GRIK1: variants seen among roughly 807,000 people sequenced by gnomAD.
GRIK1 encodes the protein glutamate receptor ionotropic, kainate 1.
Under a neutral mutation model 105.7 loss-of-function variants are expected in GRIK1, and 69 were observed. The observed-to-expected ratio is 0.65, with a 90% CI of 0.54 to 0.80. The LOEUF (loss-of-function observed/expected upper bound fraction) is 0.80, where lower values mean the gene tolerates loss of function less well. Ranked by LOEUF, GRIK1 falls within the 30% of genes least tolerant of loss-of-function variation. The probability of loss-of-function intolerance (pLI) is 0.00; values close to 1 mark genes in which losing one functional copy is unlikely to be tolerated. For synonymous variants in GRIK1, 438 were observed against 431.3 expected (o/e 1.02, Z -0.19); for missense variants, 1,109 against 1,167.3 (o/e 0.95, Z 0.73).
chr21:29,699,874 C>T (rs967653153), intron 1 of GRIK1, among the ~76,000 whole-genome samples: 1 of 152,072 alleles, frequency 6.6e-6, no homozygotes, highest in African/African-American at 2.4e-5. Flanking sequence ...GTCTTGAACT[C>T]CTGACCTCAG....
Position 29,836,915 on chromosome 21 carries a change from T to C in GRIK1, c.118+102468A>G, listed in dbSNP as rs2300326. ...TTGTCTCTAGGAGCCAAGAAAATTA[T>C]GCTTTAGATATTGCCCACAGTTTTA... On this transcript the variant is annotated intron_variant, in intron 1 of 17. Coordinates refer to ENST00000327783, the MANE Select transcript of GRIK1 (RefSeq NM_001330994.2). Among the ~76,000 whole-genome samples the C allele has an allele frequency of 2.2e-4, 34 of 152,312 alleles. No individual in the cohort carries two copies. In the East Asian group the frequency reaches 6.6e-3, roughly 29 times the overall value.
At chr21:29,837,044 C>T (rs1053890927) in intron 1 of GRIK1, among the ~76,000 whole-genome samples, 2 of 152,174 alleles carry the variant, frequency 1.3e-5, no homozygotes, top group African/African-American at 2.4e-5. Context: ...CGTAAGTACA[C>T]CCTGATGCAG....
At chr21:29,778,797 C>T (rs1178137695) in intron 1 of GRIK1, among the ~76,000 whole-genome samples, 1 of 152,128 alleles carries the variant, frequency 6.6e-6, no homozygotes, top group Admixed American at 6.5e-5. Context: ...AAATCCTTGA[C>T]CCAGAGTCCC....
At chr21:29,707,366 C>T (rs2063932183) in intron 1 of GRIK1, among the ~76,000 whole-genome samples, 1 of 151,944 alleles carries the variant, frequency 6.6e-6, no homozygotes, top group Non-Finnish European at 1.5e-5. Flanking sequence ...TTTTCCTACA[C>T]ATACCTGAAT....
intron 7 of GRIK1, among the ~76,000 whole-genome samples, chr21:29,619,517 C>T (rs1452766927): frequency 1.3e-5 from 2 of 152,074 alleles, no homozygotes; most frequent in South Asian, 4.2e-4. Flanking sequence ...TAAAATACTA[C>T]AAATTGGGTT....
At chr21:29,705,427 G>T (rs1367687251) in intron 1 of GRIK1, among the ~76,000 whole-genome samples, 1 of 152,202 alleles carries the variant, frequency 6.6e-6, no homozygotes, top group African/African-American at 2.4e-5. Flanking sequence ...GTTTAACTCA[G>T]TATCCCCCAA....
intron 1 of GRIK1, among the ~76,000 whole-genome samples, chr21:29,934,773 C>T (rs1371286557): frequency 6.6e-6 from 1 of 152,138 alleles, no homozygotes; most frequent in Non-Finnish European, 1.5e-5. Flanking sequence ...AACCAGAGAT[C>T]ACAAACCTTA....
chr21:29,829,785 T>C (rs2067574153), intron 1 of GRIK1, among the ~76,000 whole-genome samples: 2 of 152,196 alleles, frequency 1.3e-5, no homozygotes, highest in Admixed American at 1.3e-4. Flanking sequence ...TTCTGCTGTG[T>C]CTGCACAGAT....
At chr21:29,909,726 G>A (rs1243896775) in intron 1 of GRIK1, among the ~76,000 whole-genome samples, 1 of 152,268 alleles carries the variant, frequency 6.6e-6, no homozygotes, top group East Asian at 1.9e-4. Flanking sequence ...CAGTTGGCAA[G>A]GTGCTCAAGA....
intron 1 of GRIK1, among the ~76,000 whole-genome samples, chr21:29,825,170 T>C (rs1316212654): frequency 1.3e-5 from 2 of 152,086 alleles, no homozygotes; most frequent in African/African-American, 4.8e-5. Flanking sequence ...TGTTGTGTGT[T>C]TCTTGGATTC....
intron 1 of GRIK1, among the ~76,000 whole-genome samples, chr21:29,727,839 C>G (rs2064508379): frequency 6.6e-6 from 1 of 152,164 alleles, no homozygotes. Context: ...TAGCCTCCAT[C>G]ATCTGCCCAT....
chr21:29,936,424 A>T (rs1399257217), intron 1 of GRIK1, among the ~76,000 whole-genome samples: 3 of 152,220 alleles, frequency 2.0e-5, no homozygotes, highest in Non-Finnish European at 4.4e-5. Context: ...CCACCCAATT[A>T]AGGAAGATAT....
At chr21:29,576,428 C>T (rs760748867) in intron 14 of GRIK1, among the ~76,000 whole-genome samples, 1 of 152,170 alleles carries the variant, frequency 6.6e-6, no homozygotes, top group East Asian at 1.9e-4. Context: ...TTCATCAATG[C>T]GGACTCAGTA....
At chr21:29,704,193 A>T (rs1046738668) in intron 1 of GRIK1, among the ~76,000 whole-genome samples, 2 of 152,240 alleles carry the variant, frequency 1.3e-5, no homozygotes, top group African/African-American at 2.4e-5. Flanking sequence ...AGTGGAAAAT[A>T]CAAAGATGAA....
intron 1 of GRIK1, among the ~76,000 whole-genome samples, chr21:29,756,452 G>A (rs1320558932): frequency 6.6e-6 from 1 of 152,170 alleles, no homozygotes; most frequent in African/African-American, 2.4e-5. Flanking sequence ...GGTAATTGCT[G>A]CGTGTGTGAG....
intron 1 of GRIK1, among the ~76,000 whole-genome samples, chr21:29,887,607 T>A (rs1275472066): frequency 2.0e-5 from 3 of 152,130 alleles, no homozygotes; most frequent in Non-Finnish European, 4.4e-5. Context: ...CAATTTTTTC[T>A]CATATAATAA....
chr21:29,791,383 T>C (rs1268187777), intron 1 of GRIK1, among the ~76,000 whole-genome samples: 3 of 152,080 alleles, frequency 2.0e-5, no homozygotes, highest in Non-Finnish European at 1.5e-5. Context: ...CAGTGCTTTA[T>C]AAGAGTGGAG....
intron 1 of GRIK1, among the ~76,000 whole-genome samples, chr21:29,827,837 GTTCTGCTGGATGGTTC>G (rs1427630116): frequency 6.6e-6 from 1 of 152,054 alleles, no homozygotes; most frequent in African/African-American, 2.4e-5. Context: ...TTTGGGCTAG[GTTCTGCTGGATGGTTC>G]TTCTGCTGGT....
chr21:29,633,625 A>G (rs1430998559), intron 7 of GRIK1, among the ~76,000 whole-genome samples: 1 of 152,212 alleles, frequency 6.6e-6, no homozygotes, highest in African/African-American at 2.4e-5. Flanking sequence ...GACAAAACCT[A>G]TGTAATTGGT....
Sources: allele counts gnomAD v4.1 joint callset (sites outside exome capture counted in the v4.1 genomes callset), GRCh38; gene constraint gnomAD v4.1.1; transcripts MANE v1.5; gene names NCBI Gene and HGNC (gene_info 2026-07-23, HGNC 2026-07-21).